PTPN22: variants seen among roughly 807,000 people sequenced by gnomAD.
PTPN22 encodes the protein protein tyrosine phosphatase non-receptor type 22.
PTPN22 carries 85 observed loss-of-function variants against 103.3 expected under a neutral mutation model. The observed-to-expected ratio is 0.82, with a 90% CI of 0.69 to 0.99. The LOEUF (loss-of-function observed/expected upper bound fraction) is 0.99, where lower values mean the gene tolerates loss of function less well. Ranked by LOEUF, PTPN22 falls within the 50% of genes least tolerant of loss-of-function variation. The pLI is 0.00. For missense variants in PTPN22, 865 were observed against 936.9 expected (o/e 0.92, Z 1.00); for synonymous variants, 323 against 310.2 (o/e 1.04, Z -0.43).
chr1:113,866,301 A>G (rs561150623), intron 1 of PTPN22, among the ~76,000 whole-genome samples: 17 of 152,246 alleles, frequency 1.1e-4, no homozygotes, highest in Middle Eastern at 3.4e-3. Flanking sequence ...TCATGAGGTC[A>G]AGGGATCGAG....
At chr1:113,856,603 T>C in exon 6 of PTPN22, 1 of 1,614,182 alleles carries the variant, frequency 6.2e-7, no homozygotes, top group Non-Finnish European at 8.5e-7. Flanking sequence ...CTCAGCCCAG[T>C]AGCGCTCACA....
intron 1 of PTPN22, among the ~76,000 whole-genome samples, chr1:113,863,923 A>T (rs66847326): frequency 4.7e-4 from 15 of 32,186 alleles, no homozygotes; most frequent in African/African-American, 1.2e-3. Context: ...ATATATATAT[A>T]TATATTTTTT....
At chr1:113,870,386 A>C (rs1666476655) in intron 1 of PTPN22, among the ~76,000 whole-genome samples, 1 of 152,196 alleles carries the variant, frequency 6.6e-6, no homozygotes, top group African/African-American at 2.4e-5. Flanking sequence ...AAGGTTTAAA[A>C]TTCTTATATC....
chr1:113,850,362 G>A (rs1008122932), intron 10 of PTPN22, among the ~76,000 whole-genome samples: 1 of 152,214 alleles, frequency 6.6e-6, no homozygotes, highest in African/African-American at 2.4e-5. Flanking sequence ...AGAAAAAACA[G>A]CTACAACTGT....
At chr1:113,858,958 G>A in intron 3 of PTPN22, 44 bp downstream of exon 3, 1 of 1,587,958 alleles carries the variant, frequency 6.3e-7, no homozygotes. Context: ...CTTTTTTTGG[G>A]TATCTAGAGA....
chr1:113,858,553 A>G, exon 4 of PTPN22: 1 of 1,597,304 alleles, frequency 6.3e-7, no homozygotes. Flanking sequence ...TGGCAATATA[A>G]GCCTTGGGTC....
chr1:113,859,177 C>G (rs1378971207), intron 2 of PTPN22, 99 bp from the exon 3 acceptor site: 13 of 1,563,644 alleles, frequency 8.3e-6, no homozygotes, highest in Non-Finnish European at 1.0e-5. Flanking sequence ...CATGAGTGAA[C>G]AAGTGAGTGA....
chr1:113,870,252 G>T (rs1666466992), intron 1 of PTPN22, among the ~76,000 whole-genome samples: 1 of 152,068 alleles, frequency 6.6e-6, no homozygotes, highest in African/African-American at 2.4e-5. Context: ...TTATAAGTTA[G>T]AAAACAGAGA....
At position 113,838,162 on chromosome 1, in the gene PTPN22, T is replaced by G. The variant is rs183934235; in HGVS notation, c.1238A>C (p.Gln413Pro). The G allele has an allele frequency of 3.7e-6, 6 of 1,614,154 alleles. No homozygotes were observed. The Admixed American group carries it at 8.3e-5, about 22-fold the overall frequency. ...CAAAAGAGAGCCCAAATCCAAACTT[T>G]GATGCTTCTGAAGAGGCTCCCCAAC... Residue 413 changes from glutamine to proline, a missense_variant, in exon 13 of 21, where the codon CAA becomes CCA. Coordinates refer to ENST00000359785, the Ensembl canonical transcript of PTPN22.
chr1:113,866,463 A>G (rs1485367592), intron 1 of PTPN22, among the ~76,000 whole-genome samples: 2 of 152,002 alleles, frequency 1.3e-5, no homozygotes, highest in African/African-American at 4.8e-5. Flanking sequence ...GTGAGCCGAG[A>G]TCATGCCACT....
intron 1 of PTPN22, among the ~76,000 whole-genome samples, chr1:113,862,929 C>T (rs1665744877): frequency 6.6e-6 from 1 of 152,200 alleles, no homozygotes; most frequent in Non-Finnish European, 1.5e-5. Flanking sequence ...GCAATGCAAT[C>T]ATCTTCAACA....
At chr1:113,861,899 G>A (rs1401561389) in intron 1 of PTPN22, among the ~76,000 whole-genome samples, 1 of 152,132 alleles carries the variant, frequency 6.6e-6, no homozygotes, top group Non-Finnish European at 1.5e-5. Flanking sequence ...AAAGGGTGAA[G>A]GTATTTCTTT....
chr1:113,855,179 C>G (rs1033166758), intron 7 of PTPN22, 130 bp from the exon 8 acceptor site: 9 of 735,866 alleles, frequency 1.2e-5, no homozygotes, highest in African/African-American at 5.3e-5. Context: ...CACATTTACG[C>G]CCTTGTGTCT....
At chr1:113,832,486 T>C (rs764680932) in intron 16 of PTPN22, among the ~76,000 whole-genome samples, 1 of 152,214 alleles carries the variant, frequency 6.6e-6, no homozygotes, top group Non-Finnish European at 1.5e-5. Flanking sequence ...CCTGTTGTCA[T>C]GTTTTTTAGA....
chr1:113,839,468 C>A (rs1014137099), intron 11 of PTPN22, among the ~76,000 whole-genome samples: 2 of 151,610 alleles, frequency 1.3e-5, no homozygotes, highest in African/African-American at 4.9e-5. Context: ...TGGCTCACTG[C>A]GGTGTTGACC....
At chr1:113,836,889 G>A (rs1663066991) in intron 13 of PTPN22, among the ~76,000 whole-genome samples, 1 of 152,116 alleles carries the variant, frequency 6.6e-6, no homozygotes, top group Non-Finnish European at 1.5e-5. Flanking sequence ...CCACACCACT[G>A]CACTCCAGCA....
At chr1:113,819,503 A>C in intron 20 of PTPN22, 74 bp downstream of exon 20, 1 of 1,103,164 alleles carries the variant, frequency 9.1e-7, no homozygotes, top group Non-Finnish European at 1.3e-6. Context: ...ATCATATTTA[A>C]AGTTGAATCA....
At chr1:113,826,438 GGGAA>G (rs1220981049) in intron 18 of PTPN22, among the ~76,000 whole-genome samples, 5 of 147,982 alleles carry the variant, frequency 3.4e-5, no homozygotes, top group Admixed American at 6.6e-5. Context: ...GGGAAGGGAA[GGGAA>G]GGGACTCAGA....
intron 9 of PTPN22, among the ~76,000 whole-genome samples, chr1:113,853,352 CT>C (rs1314425403): frequency 0.025 from 3,210 of 130,278 alleles, 46 homozygotes; most frequent in African/African-American, 0.056. Context: ...CTTTTTCTTT[CT>C]TTTTTTTTTT....
Sources: gnomAD v4.1 joint callset for allele counts (sites outside exome capture counted in the v4.1 genomes callset) on GRCh38, gnomAD v4.1.1 for gene constraint, MANE v1.5 for transcripts, NCBI Gene and HGNC (gene_info 2026-07-23, HGNC 2026-07-21) for gene names.